CTNND2: variants seen among roughly 807,000 people sequenced by gnomAD.
CTNND2 encodes catenin delta 2.
Under a neutral mutation model 144.4 loss-of-function variants are expected in CTNND2, and 22 were observed. The observed-to-expected ratio is 0.15, with a 90% CI of 0.11 to 0.22. CTNND2 has a LOEUF of 0.22. Among genes scored for constraint, CTNND2 ranks in the 10% least tolerant of loss-of-function variants. The probability of loss-of-function intolerance (pLI) is 1.00; values close to 1 mark genes in which losing one functional copy is unlikely to be tolerated. For missense variants in CTNND2, 1,353 were observed against 1,618.8 expected, an observed-to-expected ratio of 0.84 and a Z score of 2.82; for synonymous variants, 751 against 695.6, an observed-to-expected ratio of 1.08 and a Z score of -1.25.
intron 1 of CTNND2, among the ~76,000 whole-genome samples, chr5:11,867,957 T>C (rs1795850483): frequency 6.6e-6 from 1 of 151,228 alleles, no homozygotes; most frequent in Non-Finnish European, 1.5e-5. Context: ...CCAATTATCA[T>C]GGAGCTAGTT....
intron 12 of CTNND2, among the ~76,000 whole-genome samples, chr5:11,128,757 T>TATATTATATAC (rs1377250217): frequency 2.7e-5 from 1 of 36,982 alleles, no homozygotes; most frequent in Non-Finnish European, 4.3e-5. Flanking sequence ...ATATTATATA[T>TATATTATATAC]AAATATATAT....
At chr5:11,167,388 G>GA (rs935813289) in intron 11 of CTNND2, among the ~76,000 whole-genome samples, 3 of 152,196 alleles carry the variant, frequency 2.0e-5, no homozygotes, top group Non-Finnish European at 2.9e-5. Flanking sequence ...TTTAGCCCCA[G>GA]AATGGATGAA....
intron 16 of CTNND2, among the ~76,000 whole-genome samples, chr5:11,038,862 C>A (rs930933724): frequency 2.0e-5 from 3 of 152,152 alleles, no homozygotes; most frequent in Non-Finnish European, 4.4e-5. Context: ...TTCAATAAGA[C>A]AACATATCAA....
intron 16 of CTNND2, among the ~76,000 whole-genome samples, chr5:11,043,544 G>T (rs1300877709): frequency 6.6e-6 from 1 of 152,004 alleles, no homozygotes; most frequent in South Asian, 2.1e-4. Flanking sequence ...AAAACATAAG[G>T]TATGATGAAA....
Position 11,381,093 on chromosome 5 carries a change from G to T in CTNND2, c.1177+3572C>A, listed in dbSNP as rs1352165668. ...TTTTCTCTTACCTTCATCACCTAGTGCATGAGAAAATCTCAGTGGCTACAC... is the reference window on the plus strand; with the variant it reads ...TTTTCTCTTACCTTCATCACCTAGTTCATGAGAAAATCTCAGTGGCTACAC... On this transcript the variant is annotated intron_variant, in intron 7 of 21. Transcript: ENST00000304623. Among the ~76,000 whole-genome samples, 3 of 152,202 alleles carry T rather than the reference G, an allele frequency of 2.0e-5. No individual in the cohort carries two copies. The East Asian group carries it at 5.8e-4, about 29-fold the overall frequency.
intron 12 of CTNND2, among the ~76,000 whole-genome samples, chr5:11,138,518 G>T (rs1756381529): frequency 6.6e-6 from 1 of 152,210 alleles, no homozygotes; most frequent in African/African-American, 2.4e-5. Flanking sequence ...GGACCTGGTA[G>T]TGGCACTGGT....
At chr5:11,900,927 G>T (rs1737801029) in intron 1 of CTNND2, among the ~76,000 whole-genome samples, 1 of 152,268 alleles carries the variant, frequency 6.6e-6, no homozygotes, top group Non-Finnish European at 1.5e-5. Flanking sequence ...GGAAAAGTGA[G>T]ACTAGCATCA....
At chr5:11,399,515 T>G (rs1380721144) in intron 5 of CTNND2, among the ~76,000 whole-genome samples, 1 of 152,224 alleles carries the variant, frequency 6.6e-6, no homozygotes, top group African/African-American at 2.4e-5. Context: ...CATACAATTA[T>G]CTCCAGAAAC....
chr5:11,283,530 G>A lies in CTNND2; in HGVS notation c.1629-46707C>T, dbSNP rs554664312. 3.3e-3 allele frequency among the ~76,000 whole-genome samples: 502 copies of A among 151,582 alleles called. 3 individuals are homozygous for A. The highest frequency in any genetic ancestry group is 0.012 in the African/African-American group (477 of 41,418). On this transcript the variant is annotated intron_variant, in intron 9 of 21. Coordinates refer to ENST00000304623, the MANE Select transcript of CTNND2 (RefSeq NM_001332.4). ...CTCTACTAAAAATACAAAAATTAGC[G>A]GGGTGTGGTGGCACCTGCCTGTAGT...
At chr5:11,731,600 T>C (rs991234849) in intron 2 of CTNND2, among the ~76,000 whole-genome samples, 17 of 152,208 alleles carry the variant, frequency 1.1e-4, no homozygotes, top group African/African-American at 2.4e-5. Context: ...TTTATTTACT[T>C]ATGCATTTTT....
At chr5:11,248,320 A>G (rs1362980707) in intron 9 of CTNND2, among the ~76,000 whole-genome samples, 6 of 151,656 alleles carry the variant, frequency 4.0e-5, no homozygotes, top group Non-Finnish European at 8.8e-5. Flanking sequence ...GGTCACCCTC[A>G]AAATGTTTTA....
intron 2 of CTNND2, among the ~76,000 whole-genome samples, chr5:11,723,127 T>A (rs1786779719): frequency 6.6e-6 from 1 of 152,172 alleles, no homozygotes; most frequent in Non-Finnish European, 1.5e-5. Context: ...AAACTTGGCA[T>A]AATTGTATAC....
At chr5:11,720,289 AAACCCCAAACCTAT>A (rs1786596796) in intron 2 of CTNND2, among the ~76,000 whole-genome samples, 1 of 152,184 alleles carries the variant, frequency 6.6e-6, no homozygotes, top group Non-Finnish European at 1.5e-5. Context: ...CTAGCAATGT[AAACCCCAAACCTAT>A]TTGTTCCTTC....
At position 11,325,336 on chromosome 5, in the gene CTNND2, G is replaced by A. The variant is rs576277715; in HGVS notation, c.1628+21036C>T. Among the ~76,000 whole-genome samples the A allele has an allele frequency of 3.9e-5, 6 of 151,906 alleles. No homozygotes were observed. The South Asian group carries it at 1.2e-3, about 32-fold the overall frequency. ...CCTTTTTTCCTCTGGCCATAAAGCT[G>A]TAACTGTTAATTTTTCTTTTGGATT... On this transcript the variant is annotated intron_variant, in intron 9 of 21. Transcript: ENST00000304623.
At chr5:11,189,580 C>T (rs938120534) in intron 11 of CTNND2, among the ~76,000 whole-genome samples, 11 of 152,152 alleles carry the variant, frequency 7.2e-5, no homozygotes, top group Non-Finnish European at 1.5e-4. Context: ...CTAGCTTACA[C>T]TGTTGTAAAA....
intron 9 of CTNND2, among the ~76,000 whole-genome samples, chr5:11,262,624 T>C (rs1744985533): frequency 6.6e-6 from 1 of 151,244 alleles, no homozygotes; most frequent in Non-Finnish European, 1.5e-5. Context: ...TAGCTGGGCG[T>C]GGTGGCGGGC....
chr5:11,649,683 C>T (rs1473725210), intron 2 of CTNND2, among the ~76,000 whole-genome samples: 1 of 152,186 alleles, frequency 6.6e-6, no homozygotes, highest in Non-Finnish European at 1.5e-5. Flanking sequence ...TTGGGGGGAA[C>T]TGACACTGTT....
At chr5:11,697,543 G>T (rs945250608) in intron 2 of CTNND2, among the ~76,000 whole-genome samples, 1 of 152,142 alleles carries the variant, frequency 6.6e-6, no homozygotes, top group Admixed American at 6.5e-5. Context: ...ATTTCCATGA[G>T]CCAGGACTGT....
At chr5:11,659,700 T>C (rs538835831) in intron 2 of CTNND2, among the ~76,000 whole-genome samples, 70 of 152,296 alleles carry the variant, frequency 4.6e-4, no homozygotes, top group Non-Finnish European at 7.9e-4. Flanking sequence ...TCAGGGCCAC[T>C]GTTTCCTGCA....
Sources: gnomAD v4.1 joint callset for allele counts (sites outside exome capture counted in the v4.1 genomes callset) on GRCh38, gnomAD v4.1.1 for gene constraint, MANE v1.5 for transcripts, NCBI Gene and HGNC (gene_info 2026-07-23, HGNC 2026-07-21) for gene names.